The following PCDH11X variants were observed in gnomAD, a reference collection of about 807,000 sequenced individuals.
The protein encoded by PCDH11X is protocadherin-11 X-linked.
In PCDH11X, 18 loss-of-function variants were observed where a neutral mutation model predicts 53.3. The observed-to-expected ratio is 0.34, with a 90% CI of 0.23 to 0.50. PCDH11X has a LOEUF of 0.50. Ranked by LOEUF, PCDH11X falls within the 20% of genes least tolerant of loss-of-function variation. PCDH11X has a pLI of 0.98. For synonymous variants in PCDH11X, 279 were observed against 393.3 expected (o/e 0.71, Z 3.44); for missense variants, 570 against 1,032.4 (o/e 0.55, Z 6.14).
Position 92,410,263 on chromosome X carries a change from TCTC to T in PCDH11X, c.3343+22336_3343+22338del, listed in dbSNP as rs746734200. ...TTAGGAATTATAAGCAATTTTCTCT[TCTC>T]CTCCTATTGCTTTCTGGTAGGCATC... On this transcript the variant is annotated intron_variant, in intron 9 of 10. Transcript: ENST00000682573. 1.4e-3 allele frequency among the ~76,000 whole-genome samples: 149 copies of T among 109,714 alleles called. 1 individual carries two copies. Among genetic ancestry groups the T allele is most frequent in the South Asian group, 0.013 (32 of 2,474 alleles).
chrX:92,340,869 T>C (rs1466677126), intron 8 of PCDH11X, among the ~76,000 whole-genome samples: 1 of 111,904 alleles, frequency 8.9e-6, no homozygotes, highest in Non-Finnish European at 1.9e-5. Flanking sequence ...TGAATTCCTC[T>C]CCCAAAAAAG....
At chrX:92,174,246 A>T (rs2065870422) in intron 6 of PCDH11X, among the ~76,000 whole-genome samples, 2 of 110,290 alleles carry the variant, frequency 1.8e-5, no homozygotes, top group African/African-American at 6.6e-5. Context: ...AAACCTCATA[A>T]AACCTGGTTT....
At chrX:91,972,515 C>T (rs900005144) in intron 6 of PCDH11X, among the ~76,000 whole-genome samples, 1 of 109,985 alleles carries the variant, frequency 9.1e-6, no homozygotes. Flanking sequence ...GGACATGAAG[C>T]CCTTGCCCAT....
intron 8 of PCDH11X, among the ~76,000 whole-genome samples, chrX:92,295,366 CG>C (rs1354675689): frequency 5.4e-5 from 6 of 110,198 alleles, no homozygotes; most frequent in African/African-American, 2.0e-4. Context: ...GCTGGACTCT[CG>C]TTATTTCTAA....
intron 10 of PCDH11X, among the ~76,000 whole-genome samples, chrX:92,484,854 T>A (rs1268012040): frequency 1.6e-4 from 18 of 110,178 alleles, no homozygotes; most frequent in Middle Eastern, 4.7e-3. Flanking sequence ...GTAAAAAAAA[T>A]TTTTTTAATG....
At chrX:91,795,803 A>G (rs1376910435) in intron 1 of PCDH11X, among the ~76,000 whole-genome samples, 1 of 111,852 alleles carries the variant, frequency 8.9e-6, no homozygotes, top group Non-Finnish European at 1.9e-5. Context: ...TTTTATAGTC[A>G]TCTTAATTTT....
At chrX:92,029,362 C>T (rs1569316700) in intron 6 of PCDH11X, among the ~76,000 whole-genome samples, 1 of 111,648 alleles carries the variant, frequency 9.0e-6, no homozygotes, top group African/African-American at 3.3e-5. Context: ...GTCTTTCTAT[C>T]GCAGTTTATT....
intron 4 of PCDH11X, among the ~76,000 whole-genome samples, chrX:91,822,149 T>A (rs1472550480): frequency 9.1e-6 from 1 of 110,293 alleles, no homozygotes; most frequent in Non-Finnish European, 1.9e-5. Context: ...TTTGGTTGTG[T>A]CTCTGCCAGG....
intron 7 of PCDH11X, among the ~76,000 whole-genome samples, chrX:92,224,198 G>A (rs1022497872): frequency 8.9e-6 from 1 of 111,817 alleles, no homozygotes; most frequent in African/African-American, 3.2e-5. Context: ...CAAAATGAAT[G>A]TTCAGTTACA....
chrX:92,420,023 A>G (rs1452016666), intron 9 of PCDH11X, among the ~76,000 whole-genome samples: 2 of 110,518 alleles, frequency 1.8e-5, no homozygotes, highest in South Asian at 3.8e-4. Context: ...TTTGTTTTTC[A>G]TATTCCACTT....
intron 10 of PCDH11X, among the ~76,000 whole-genome samples, chrX:92,488,584 T>C (rs2148681684): frequency 9.0e-6 from 1 of 111,089 alleles, no homozygotes; most frequent in South Asian, 3.8e-4. Context: ...ATTTTTATTA[T>C]ATACCTGTAT....
chrX:91,901,747 A>C (rs1472852939), intron 6 of PCDH11X, among the ~76,000 whole-genome samples: 1 of 112,131 alleles, frequency 8.9e-6, no homozygotes, highest in African/African-American at 3.2e-5. Flanking sequence ...ATCCCAAGAT[A>C]AAACGTAAAG....
chrX:92,437,979 G>T (rs929283906), intron 9 of PCDH11X, among the ~76,000 whole-genome samples: 4 of 111,839 alleles, frequency 3.6e-5, no homozygotes, highest in Non-Finnish European at 7.5e-5. Context: ...GCTAAGTAAC[G>T]CATCGAAAAT....
At chrX:92,370,691 C>T (rs950336244) in intron 8 of PCDH11X, among the ~76,000 whole-genome samples, 8 of 110,929 alleles carry the variant, frequency 7.2e-5, no homozygotes, top group Non-Finnish European at 1.5e-4. Context: ...AACTCTTGAC[C>T]TCGTGATCCG....
At chrX:91,783,024 A>T (rs1184447970) in intron 1 of PCDH11X, among the ~76,000 whole-genome samples, 1 of 111,616 alleles carries the variant, frequency 9.0e-6, no homozygotes, top group Non-Finnish European at 1.9e-5. Flanking sequence ...AAAAACCTTC[A>T]AGGGGTGTCG....
chrX:92,423,213 C>T (rs187943352), intron 9 of PCDH11X, among the ~76,000 whole-genome samples: 2,542 of 96,862 alleles, frequency 0.026, 159 homozygotes, highest in African/African-American at 0.08. Context: ...TTTTGATTTG[C>T]ATTTCCTTGA....
chrX:91,789,105 G>A (rs1935435087), intron 1 of PCDH11X, among the ~76,000 whole-genome samples: 1 of 105,387 alleles, frequency 9.5e-6, no homozygotes, highest in Non-Finnish European at 1.9e-5. Flanking sequence ...GGGAGGCTGA[G>A]GCAGGAGAAT....
chrX:92,468,088 C>T, intron 9 of PCDH11X: 1 of 244,544 alleles, frequency 4.1e-6, no homozygotes, highest in Non-Finnish European at 5.8e-6. Context: ...ATTGCATAGG[C>T]TTGGTCCAAT....
intron 6 of PCDH11X, among the ~76,000 whole-genome samples, chrX:92,014,484 T>C (rs1282742308): frequency 9.2e-6 from 1 of 108,926 alleles, no homozygotes; most frequent in Admixed American, 9.9e-5. Flanking sequence ...TGGCGATTCC[T>C]CAGGGATCTA....
Sources: gnomAD v4.1 joint callset for allele counts (sites outside exome capture counted in the v4.1 genomes callset) on GRCh38, gnomAD v4.1.1 for gene constraint, MANE v1.5 for transcripts, NCBI Gene and HGNC (gene_info 2026-07-23, HGNC 2026-07-21) for gene names.